Variants in SLIT1 observed in about 807,000 individuals in gnomAD.
SLIT1 encodes the protein slit guidance ligand 1.
SLIT1 carries 66 observed loss-of-function variants against 186.1 expected under a neutral mutation model. The observed-to-expected ratio is 0.35, with a 90% CI of 0.29 to 0.44. The LOEUF (loss-of-function observed/expected upper bound fraction) is 0.44, where lower values mean the gene tolerates loss of function less well. SLIT1 is among the 20% of genes least tolerant of loss of function. The pLI is 1.00. For synonymous variants in SLIT1, 761 were observed against 833.8 expected (o/e 0.91, Z 1.50); for missense variants, 1,638 against 2,037.4 (o/e 0.80, Z 3.77).
In SLIT1 at chr10:97,068,455, A is replaced by G. The variant is rs1848971649; in HGVS notation, c.414-2369T>C. ...CAGCCCCTCTGTCCTGTCCCCTCAC[A>G]GCCTTTAGAAAAGCAGCCAGGCACC... On this transcript the variant is annotated intron_variant, in intron 4 of 36. Coordinates refer to ENST00000266058, the MANE Select transcript of SLIT1 (RefSeq NM_003061.3). This position sits in a 1 kb window ranked among gnomAD's most constrained non-coding sequence, Gnocchi z 4.2. Among the ~76,000 whole-genome samples the G allele has an allele frequency of 1.3e-5, 2 of 151,936 alleles. No individual in the cohort carries two copies. Among genetic ancestry groups the G allele is most frequent in the South Asian group, 4.2e-4 (2 of 4,800 alleles).
At position 97,177,973 on chromosome 10, in the gene SLIT1, TC is replaced by T. The variant is rs1325615691; in HGVS notation, c.197+7504del. On this transcript the variant is annotated intron_variant, in intron 1 of 36. Transcript: ENST00000266058. ...CCTGGGCAACAGAGCAAAAACTCCA[TC>T]TCAAAAAAACAAACAAACAAACAAA... 2.0e-5 allele frequency among the ~76,000 whole-genome samples: 3 copies of T among 151,556 alleles called. No homozygotes were observed. In the East Asian group the frequency reaches 5.8e-4, roughly 29 times the overall value.
chr10:97,026,726 C>T (rs374275016), intron 25 of SLIT1, among the ~76,000 whole-genome samples: 19 of 152,164 alleles, frequency 1.2e-4, no homozygotes, highest in Admixed American at 6.5e-4. Context: ...TAGATATTTG[C>T]TGATGGCTGG....
intron 20 of SLIT1, among the ~76,000 whole-genome samples, chr10:97,041,190 G>A (rs1848687465): frequency 6.6e-6 from 1 of 152,158 alleles, no homozygotes; most frequent in Non-Finnish European, 1.5e-5. Flanking sequence ...TATACGTAGG[G>A]AGCATCTACG....
At position 97,010,226 on chromosome 10, in the gene SLIT1, A is replaced by G. The variant is rs1035513755; in HGVS notation, c.3341+767T>C. ...CCATACGGCAGAACACTGTTTAGCC[A>G]TAAGAAGGAATGAAGTGCCGACACA... On this transcript the variant is annotated intron_variant, in intron 31 of 36. Transcript: ENST00000266058. The surrounding 1 kb of genome is among the most constrained non-coding windows in gnomAD (Gnocchi z 4.8). Among the ~76,000 whole-genome samples the G allele has an allele frequency of 2.6e-5, 4 of 152,238 alleles. No individual in the cohort carries two copies. Among genetic ancestry groups the G allele is most frequent in the Admixed American group, 1.3e-4 (2 of 15,286 alleles).
chr10:97,025,389 T>TG (rs1194538677), intron 25 of SLIT1, among the ~76,000 whole-genome samples: 22 of 152,352 alleles, frequency 1.4e-4, no homozygotes, highest in African/African-American at 5.3e-4. Flanking sequence ...GGCCCACACT[T>TG]GCTTTTCCTT....
At position 97,043,278 on chromosome 10, in the gene SLIT1, C is replaced by T; in HGVS notation, c.1997+92G>A. 6.6e-7 allele frequency: 1 copy of T among 1,522,616 alleles called. No homozygotes were observed. The highest frequency in any genetic ancestry group is 9.0e-7 in the Non-Finnish European group (1 of 1,105,698). 94.3% of individuals were successfully genotyped at this position (1,522,616 alleles called of 1,614,324 possible). A position where few individuals can be genotyped will look rare whatever the true frequency, so the allele number is the denominator to read the frequency against. ...TCAGCAAACCACGAAGACCCAGCAC[C>T]CCCAGGGTGAGCTCTTTCAAAGTGG... On this transcript the variant is annotated intron_variant, in intron 19 of 36. Coordinates refer to ENST00000266058, the MANE Select transcript of SLIT1 (RefSeq NM_003061.3). This position sits in a 1 kb window ranked among gnomAD's most constrained non-coding sequence, Gnocchi z 7.0.
chr10:97,114,201 G>T (rs995015729), intron 4 of SLIT1, among the ~76,000 whole-genome samples: 1 of 152,210 alleles, frequency 6.6e-6, no homozygotes, highest in Admixed American at 6.5e-5. Flanking sequence ...GCAACACTTA[G>T]GTTCAACATG....
intron 4 of SLIT1, among the ~76,000 whole-genome samples, chr10:97,108,567 A>C (rs1849435533): frequency 6.6e-6 from 1 of 152,156 alleles, no homozygotes; most frequent in Non-Finnish European, 1.5e-5. Context: ...GCCCTCACGA[A>C]AGGCCCAACA....
intron 36 of SLIT1, 41 bp downstream of exon 36, chr10:97,002,117 G>C (rs749186161): frequency 7.7e-7 from 1 of 1,303,538 alleles, no homozygotes; most frequent in Non-Finnish European, 1.0e-6. Context: ...GCAATTTGTG[G>C]GGGACCCTGG....
At position 97,185,769 on chromosome 10, in the gene SLIT1, C is replaced by G. The variant is rs1048031632; in HGVS notation, c.-95G>C. Reference sequence around the variant, plus strand: ...CTCCAGGTGCAGTCCCGGGGCAGAGCCACCGAAGAGCCCGCGGGCTTGCGC... The same window carrying G: ...CTCCAGGTGCAGTCCCGGGGCAGAGGCACCGAAGAGCCCGCGGGCTTGCGC... On this transcript the variant is annotated 5_prime_UTR_variant, in exon 1 of 37. Transcript: ENST00000266058. 140 of 1,135,408 alleles carry G rather than the reference C, an allele frequency of 1.2e-4. No homozygotes were observed. In the Middle Eastern group the frequency reaches 2.4e-3, roughly 20 times the overall value. 70.3% of individuals were successfully genotyped at this position (1,135,408 alleles called of 1,614,324 possible). A position where few individuals can be genotyped will look rare whatever the true frequency, so the allele number is the denominator to read the frequency against.
chr10:97,039,969 A>G lies in SLIT1; in HGVS notation c.2297+19T>C, dbSNP rs1406834877. ...TCCTGTGGACCCACGTGAAGGGGGC[A>G]AGGCCTTGAGCTACTCACAGTTCTG... is the stretch of plus-strand genomic sequence containing the variant. On this transcript the variant is annotated intron_variant, in intron 21 of 36. Coordinates refer to ENST00000266058, the MANE Select transcript of SLIT1 (RefSeq NM_003061.3). 6.2e-7 allele frequency: 1 copy of G among 1,612,772 alleles called. No homozygotes were observed. The highest frequency in any genetic ancestry group is 1.1e-5 in the South Asian group (1 of 90,966).
chr10:97,004,570 CCTT>C lies in SLIT1; in HGVS notation c.3710+120_3710+122del. The C allele has an allele frequency of 8.4e-7, 1 of 1,186,888 alleles. No homozygotes were observed. Among genetic ancestry groups the C allele is most frequent in the East Asian group, 2.3e-5 (1 of 42,880 alleles). The allele number at this position is 1,186,888 out of a possible 1,614,324, so 73.5% of individuals were successfully genotyped here. A position where few individuals can be genotyped will look rare whatever the true frequency, so the allele number is the denominator to read the frequency against. ...GGGCTAACCCAGATGGTTCAAGTGT[CCTT>C]CAAACTCAGGCAGCCCAGGTTTCTA... On this transcript the variant is annotated intron_variant, in intron 33 of 36. Transcript: ENST00000266058. This position sits in a 1 kb window ranked among gnomAD's most constrained non-coding sequence, Gnocchi z 5.1.
intron 23 of SLIT1, among the ~76,000 whole-genome samples, chr10:97,032,767 T>G (rs1396548323): frequency 6.6e-6 from 1 of 152,110 alleles, no homozygotes; most frequent in South Asian, 2.1e-4. Flanking sequence ...AGCAGACGAA[T>G]GGATGAGCAA....
intron 4 of SLIT1, among the ~76,000 whole-genome samples, chr10:97,066,299 A>G (rs932109834): frequency 6.6e-6 from 1 of 152,160 alleles, no homozygotes; most frequent in Non-Finnish European, 1.5e-5. Flanking sequence ...GAGACACACC[A>G]TGTCCTGGAG....
At chr10:97,047,912 G>A (rs1213898178) in intron 15 of SLIT1, 61 bp downstream of exon 15, 2 of 1,613,010 alleles carry the variant, frequency 1.2e-6, no homozygotes, top group African/African-American at 2.7e-5. Context: ...AAGGCCCCCA[G>A]CCTGCCCACC....
rs1850380292 is a variant in SLIT1, at chr10:97,184,178, G to C, written c.197+1300C>G. ...CTCACTAATTGCTGGCCTTGGTACA[G>C]AGTCTGATTCGGGAGACAGCTCTCC... is the stretch of plus-strand genomic sequence containing the variant. On this transcript the variant is annotated intron_variant, in intron 1 of 36. Transcript: ENST00000266058. The surrounding 1 kb of genome is among the most constrained non-coding windows in gnomAD (Gnocchi z 4.4). Among the ~76,000 whole-genome samples, 1 of 152,160 alleles carries C rather than the reference G, an allele frequency of 6.6e-6. No homozygotes were observed. The highest frequency in any genetic ancestry group is 1.5e-5 in the Non-Finnish European group (1 of 68,026).
chr10:97,055,533 TA>T (rs939733445), intron 13 of SLIT1, among the ~76,000 whole-genome samples: 4 of 151,880 alleles, frequency 2.6e-5, no homozygotes, highest in East Asian at 1.9e-4. Context: ...GGCTACTTTT[TA>T]AAAAAAAATT....
rs370738623 is a variant in SLIT1, at chr10:97,054,561, G to A, written c.1301+1760C>T. ...TCAATGGCTGTTTTTATTACAAAAG[G>A]GAGACAGCCAGACATCTGTCTGCCT... is the stretch of plus-strand genomic sequence containing the variant. On this transcript the variant is annotated intron_variant, in intron 13 of 36. Coordinates refer to ENST00000266058, the MANE Select transcript of SLIT1 (RefSeq NM_003061.3). 7.2e-5 allele frequency among the ~76,000 whole-genome samples: 11 copies of A among 152,242 alleles called. No homozygotes were observed. In the East Asian group the frequency reaches 1.9e-3, roughly 27 times the overall value.
chr10:97,088,367 G>T (rs1849190442), intron 4 of SLIT1, among the ~76,000 whole-genome samples: 1 of 152,162 alleles, frequency 6.6e-6, no homozygotes, highest in African/African-American at 2.4e-5. Context: ...ATGCTAACTA[G>T]GTGTTGAGGA....
Sources: gnomAD v4.1 joint callset for allele counts (sites outside exome capture counted in the v4.1 genomes callset) on GRCh38, gnomAD v4.1.1 for gene constraint, Gnocchi (gnomAD v3.1) non-coding constraint, MANE v1.5 for transcripts, NCBI Gene and HGNC (gene_info 2026-07-23, HGNC 2026-07-21) for gene names.